TTC23: variants seen among roughly 807,000 people sequenced by gnomAD.
The protein encoded by TTC23 is tetratricopeptide repeat domain 23, also known as tetratricopeptide repeat protein 23.
TTC23 carries 58 observed loss-of-function variants against 55.1 expected under a neutral mutation model. The observed-to-expected ratio is 1.05, with a 90% CI of 0.85 to 1.31. The LOEUF is 1.31. Ranked by LOEUF, TTC23 falls within the 50% of genes most tolerant of loss-of-function variation. TTC23 has a pLI of 0.00. For missense variants in TTC23, 516 were observed against 534.4 expected (o/e 0.97, Z 0.34); for synonymous variants, 203 against 199.9 (o/e 1.02, Z -0.13).
rs186507387 is a variant in TTC23, at chr15:99,235,282, T to A, written c.-113-202A>T. On this transcript the variant is annotated intron_variant, in intron 3 of 13. Transcript: ENST00000394132. The stretch of plus-strand genomic sequence containing the variant: ...AACAAAACAAAATTGTAGTAAAAAA[T>A]ATATATATATAAAATAAAATTTCTC... 4.2e-3 allele frequency among the ~76,000 whole-genome samples: 632 copies of A among 150,686 alleles called. 1 individual carries two copies. The highest frequency in any genetic ancestry group is 0.014 in the African/African-American group (584 of 41,224).
intron 12 of TTC23, among the ~76,000 whole-genome samples, chr15:99,145,668 ATGTCTCTCTCTCTGTCTC>A (rs1208576035): frequency 5.9e-5 from 9 of 151,954 alleles, no homozygotes; most frequent in Non-Finnish European, 1.3e-4. Flanking sequence ...CTCTCAGTCT[ATGTCTCTCTCTCTGTCTC>A]TGTCTCTCTC....
chr15:99,184,380 G>A (rs1209524915), intron 9 of TTC23, among the ~76,000 whole-genome samples: 1 of 152,182 alleles, frequency 6.6e-6, no homozygotes, highest in Non-Finnish European at 1.5e-5. Context: ...GCCAAGAGGG[G>A]GGTTGTACCC....
intron 9 of TTC23, among the ~76,000 whole-genome samples, chr15:99,188,181 A>C (rs1451763358): frequency 6.6e-6 from 1 of 152,108 alleles, no homozygotes; most frequent in African/African-American, 2.4e-5. Context: ...TGAAGAATTG[A>C]TACATGCTAA....
intron 10 of TTC23, among the ~76,000 whole-genome samples, chr15:99,173,820 C>T (rs1449132286): frequency 6.6e-5 from 10 of 152,216 alleles, no homozygotes; most frequent in Non-Finnish European, 1.2e-4. Context: ...ATGCTTGCTG[C>T]TGCTGCTGGT....
At chr15:99,215,621 C>T (rs1207024307) in intron 8 of TTC23, among the ~76,000 whole-genome samples, 1 of 152,056 alleles carries the variant, frequency 6.6e-6, no homozygotes, top group Non-Finnish European at 1.5e-5. Flanking sequence ...TGGCACACAC[C>T]TGTAGTCCAA....
At position 99,219,335 on chromosome 15, in the gene TTC23, G is replaced by A. The variant is rs145572534; in HGVS notation, c.305-287C>T. 3.9e-5 allele frequency among the ~76,000 whole-genome samples: 6 copies of A among 152,230 alleles called. No homozygotes were observed. The East Asian group carries it at 1.2e-3, about 29-fold the overall frequency. The stretch of plus-strand genomic sequence containing the variant: ...CTCACCAATAGCAGAAGCAAAATAT[G>A]TTACATATAATTATAAGAAACAAAC... On this transcript the variant is annotated intron_variant, in intron 6 of 13. Coordinates refer to ENST00000394132, the MANE Select transcript of TTC23 (RefSeq NM_001288615.3).
intron 10 of TTC23, 41 bp downstream of exon 10, chr15:99,175,009 C>A (rs751022931): frequency 5.7e-6 from 9 of 1,586,150 alleles, no homozygotes; most frequent in Non-Finnish European, 6.9e-6. Flanking sequence ...TTTATAGACC[C>A]AGATGCCTGT....
At chr15:99,198,734 C>T (rs750349948) in intron 9 of TTC23, among the ~76,000 whole-genome samples, 2 of 152,160 alleles carry the variant, frequency 1.3e-5, no homozygotes, top group Middle Eastern at 6.8e-3. Context: ...AGAGACAATC[C>T]AGATAAAGTG....
In TTC23 at chr15:99,199,971, C is replaced by T. The variant is rs764028832; in HGVS notation, c.707G>A (p.Gly236Asp). 51 of 1,613,794 alleles carry T rather than the reference C, an allele frequency of 3.2e-5. No homozygotes were observed. Among genetic ancestry groups the T allele is most frequent in the Middle Eastern group, 1.6e-4 (1 of 6,082 alleles). Residue 236 changes from glycine (G) to aspartate (D), a missense_variant, in exon 9 of 14, where the codon GGT becomes GAT. Physicochemically the swap from Gly to Asp is moderately conservative, Grantham distance 94. Transcript: ENST00000394132. Reference sequence around the variant, plus strand: ...GTGGAGTCCCAGGGCTTGCTCTACACCTGCTAATTCTCTCAATATGGGTAC... The same window carrying T: ...GTGGAGTCCCAGGGCTTGCTCTACATCTGCTAATTCTCTCAATATGGGTAC... ...ECVPILRELAGVEQALGLHDV... is the reference protein window; with the variant it reads ...ECVPILRELADVEQALGLHDV...
chr15:99,238,524 G>T lies in TTC23; in HGVS notation c.-114+2841C>A, dbSNP rs540653726. 2.6e-5 allele frequency among the ~76,000 whole-genome samples: 4 copies of T among 152,172 alleles called. No homozygotes were observed. The East Asian group carries it at 7.7e-4, about 29-fold the overall frequency. Reference sequence around the variant, plus strand: ...TGGCTAAAAAGACTCCAGACAACAAGAAGGGAGAAGAGAAAGCATCCCAAG... The same window carrying T: ...TGGCTAAAAAGACTCCAGACAACAATAAGGGAGAAGAGAAAGCATCCCAAG... On this transcript the variant is annotated intron_variant, in intron 3 of 13. Transcript: ENST00000394132.
At chr15:99,197,252 G>A (rs796612495) in intron 9 of TTC23, among the ~76,000 whole-genome samples, 15 of 152,104 alleles carry the variant, frequency 9.9e-5, no homozygotes, top group African/African-American at 1.7e-4. Flanking sequence ...ACAGGCGCCC[G>A]CCACCATGCC....
At chr15:99,150,535 T>C (rs983130989) in intron 12 of TTC23, among the ~76,000 whole-genome samples, 1 of 152,244 alleles carries the variant, frequency 6.6e-6, no homozygotes, top group Non-Finnish European at 1.5e-5. Flanking sequence ...AAATTTCTTC[T>C]GATGAAATTC....
At chr15:99,239,820 T>C (rs1326186949) in intron 3 of TTC23, among the ~76,000 whole-genome samples, 1 of 152,242 alleles carries the variant, frequency 6.6e-6, no homozygotes, top group African/African-American at 2.4e-5. Context: ...AACTAATATA[T>C]ACATAACACT....
intron 9 of TTC23, among the ~76,000 whole-genome samples, chr15:99,181,091 A>G (rs1225290993): frequency 6.6e-6 from 1 of 152,240 alleles, no homozygotes; most frequent in African/African-American, 2.4e-5. Context: ...GGGGAAATTA[A>G]GCCTCCAGGA....
intron 9 of TTC23, among the ~76,000 whole-genome samples, chr15:99,176,221 C>T (rs555698988): frequency 2.6e-5 from 4 of 152,178 alleles, no homozygotes; most frequent in African/African-American, 9.6e-5. Context: ...GTGTGCAGTA[C>T]AAAAAATAAA....
At chr15:99,241,702 G>C (rs1222235128) in intron 2 of TTC23, 143 bp from the exon 3 acceptor site, 1 of 152,408 alleles carries the variant, frequency 6.6e-6, no homozygotes, top group Non-Finnish European at 1.5e-5. Context: ...AATCTATATA[G>C]GTGCCAACTA....
chr15:99,147,068 C>T (rs1378040958), intron 12 of TTC23, among the ~76,000 whole-genome samples: 1 of 151,164 alleles, frequency 6.6e-6, no homozygotes, highest in African/African-American at 2.5e-5. Context: ...GCACACGCCA[C>T]CACACCTGGC....
chr15:99,219,525 C>G (rs937388506), intron 6 of TTC23, among the ~76,000 whole-genome samples: 1 of 152,100 alleles, frequency 6.6e-6, no homozygotes, highest in Non-Finnish European at 1.5e-5. Flanking sequence ...TAATACATAT[C>G]TGATATCTAC....
rs2067708211 is a variant in TTC23, at chr15:99,137,765, T to G, written c.*245A>C. ...AGTGCTGATGGGTAAAAATTCTTGT[T>G]GGCAAGAAAAACCACTTAGGTGATA... On this transcript the variant is annotated 3_prime_UTR_variant, in exon 14 of 14. Coordinates refer to ENST00000394132, the MANE Select transcript of TTC23 (RefSeq NM_001288615.3). 1 of 533,488 alleles carries G rather than the reference T, an allele frequency of 1.9e-6. No individual in the cohort carries two copies. The allele number at this position is 533,488 out of a possible 1,614,324, so 33.0% of individuals were successfully genotyped here.
Sources: gnomAD v4.1 joint callset for allele counts (sites outside exome capture counted in the v4.1 genomes callset) on GRCh38, gnomAD v4.1.1 for gene constraint, MANE v1.5 for transcripts, NCBI Gene and HGNC (gene_info 2026-07-23, HGNC 2026-07-21) for gene names.